Variants in ADAM28 observed in about 807,000 individuals in gnomAD.
ADAM28 encodes ADAM metallopeptidase domain 28.
Under a neutral mutation model 101.2 loss-of-function variants are expected in ADAM28, and 105 were observed. The ratio of observed to expected loss-of-function variants is 1.04; its 90% confidence interval spans 0.89 to 1.22. The LOEUF (loss-of-function observed/expected upper bound fraction) is 1.22, where lower values mean the gene tolerates loss of function less well. Ranked by LOEUF, ADAM28 falls within the 50% of genes most tolerant of loss-of-function variation. The probability of loss-of-function intolerance (pLI) is 0.00; values close to 1 mark genes in which losing one functional copy is unlikely to be tolerated. For synonymous variants in ADAM28, 322 were observed against 310.6 expected (o/e 1.04, Z -0.39); for missense variants, 1,028 against 945.4 (o/e 1.09, Z -1.15).
At chr8:24,294,285 A>G (rs1807669976) in intron 1 of ADAM28, 90 bp downstream of exon 1, 2 of 1,476,104 alleles carry the variant, frequency 1.4e-6, no homozygotes, top group African/African-American at 1.4e-5. Context: ...AACTATTTTG[A>G]CTTTTTTCTT....
intron 15 of ADAM28, among the ~76,000 whole-genome samples, chr8:24,339,983 T>C (rs186919411): frequency 4.9e-4 from 75 of 152,326 alleles, no homozygotes; most frequent in Middle Eastern, 3.4e-3. Flanking sequence ...GAATAACAGA[T>C]GCAGTGCTTG....
intron 2 of ADAM28, among the ~76,000 whole-genome samples, chr8:24,307,296 T>C (rs1423364215): frequency 6.6e-6 from 1 of 152,200 alleles, no homozygotes; most frequent in African/African-American, 2.4e-5. Flanking sequence ...GGAAGACTTT[T>C]GTAGTTATCA....
At chr8:24,302,376 C>A (rs528348507) in intron 2 of ADAM28, among the ~76,000 whole-genome samples, 33 of 152,276 alleles carry the variant, frequency 2.2e-4, no homozygotes, top group African/African-American at 7.2e-4. Context: ...GTCACTGCTA[C>A]TGTGAATAGT....
At chr8:24,349,825 T>A in intron 18 of ADAM28, 39 bp from the exon 19 acceptor site, 2 of 1,520,978 alleles carry the variant, frequency 1.3e-6, no homozygotes, top group Non-Finnish European at 1.8e-6. Flanking sequence ...CAGATGTGTG[T>A]TTCTGCAGTC....
intron 2 of ADAM28, among the ~76,000 whole-genome samples, chr8:24,306,064 C>T (rs116068297): frequency 0.014 from 2,081 of 152,058 alleles, 45 homozygotes; most frequent in African/African-American, 0.048. Context: ...AACAGTAAAA[C>T]TTTTTTGTAT....
At chr8:24,327,647 C>A (rs574843919) in intron 10 of ADAM28, among the ~76,000 whole-genome samples, 3 of 152,190 alleles carry the variant, frequency 2.0e-5, no homozygotes, top group South Asian at 4.2e-4. Flanking sequence ...TACTACAAGG[C>A]TACAGTAAGC....
At chr8:24,301,574 T>A (rs545539897) in intron 2 of ADAM28, among the ~76,000 whole-genome samples, 1 of 152,326 alleles carries the variant, frequency 6.6e-6, no homozygotes, top group South Asian at 2.1e-4. Context: ...TATTTCTAAG[T>A]GGAGAGATAG....
At chr8:24,317,172 G>A (rs1343534152) in intron 6 of ADAM28, among the ~76,000 whole-genome samples, 1 of 151,668 alleles carries the variant, frequency 6.6e-6, no homozygotes. Flanking sequence ...CCCAATGACA[G>A]TATTTACAGA....
At chr8:24,331,398 T>C in intron 12 of ADAM28, 71 bp downstream of exon 12, 1 of 1,427,654 alleles carries the variant, frequency 7.0e-7, no homozygotes, top group Non-Finnish European at 9.4e-7. Flanking sequence ...TACAAAATAA[T>C]GTGTGGCCCG....
intron 18 of ADAM28, among the ~76,000 whole-genome samples, chr8:24,343,822 A>G (rs929449609): frequency 1.3e-5 from 2 of 152,128 alleles, no homozygotes; most frequent in Non-Finnish European, 2.9e-5. Context: ...TTGTAATCTT[A>G]TTTTAATTTC....
At chr8:24,334,881 A>T (rs1230125518) in intron 13 of ADAM28, among the ~76,000 whole-genome samples, 1 of 152,204 alleles carries the variant, frequency 6.6e-6, no homozygotes, top group Non-Finnish European at 1.5e-5. Context: ...TATCAAGTGA[A>T]TATTTGCTTA....
Position 24,309,933 on chromosome 8 carries a change from A to G in ADAM28, c.190A>G (p.Asn64Asp), listed in dbSNP as rs1174671695. 1.3e-6 allele frequency: 2 copies of G among 1,568,044 alleles called. No individual in the cohort carries two copies. Among genetic ancestry groups the G allele is most frequent in the African/African-American group, 1.4e-5 (1 of 73,828 alleles). Residue 64 changes from asparagine (N) to aspartate (D), a missense_variant, in exon 3 of 23, where the codon AAT becomes GAT. By Grantham distance (23) the Asn-to-Asp change is conservative. Coordinates refer to ENST00000265769, the MANE Select transcript of ADAM28 (RefSeq NM_014265.6). ...TGAATTAAAGTATAAAATGACAATT[A>G]ATGGAAAAATTGCAGTGCTTTATTT... Reference protein sequence around the residue: ...ETELKYKMTINGKIAVLYLKK... With the variant: ...ETELKYKMTIDGKIAVLYLKK...
intron 9 of ADAM28, among the ~76,000 whole-genome samples, chr8:24,325,969 C>A (rs1812568035): frequency 7.0e-6 from 1 of 142,554 alleles, no homozygotes; most frequent in Non-Finnish European, 1.5e-5. Flanking sequence ...CAAAAGGAAC[C>A]AAAAAAGCAA....
At chr8:24,350,431 AG>A (rs200549871) in intron 19 of ADAM28, among the ~76,000 whole-genome samples, 1,649 of 152,034 alleles carry the variant, frequency 0.011, 29 homozygotes, top group African/African-American at 0.038. Flanking sequence ...CTCCTACCTC[AG>A]CCCCGAGTAT....
At position 24,335,505 on chromosome 8, in the gene ADAM28, G is replaced by A. The variant is rs1217814867; in HGVS notation, c.1431G>A (p.Met477Ile). 1.2e-6 allele frequency: 2 copies of A among 1,614,178 alleles called. No homozygotes were observed. The highest frequency in any genetic ancestry group is 2.2e-5 in the South Asian group (2 of 91,080). The change falls in exon 14 of 23, where the codon ATG becomes ATA. Residue 477 changes from methionine to isoleucine, a missense_variant. Coordinates refer to ENST00000265769, the MANE Select transcript of ADAM28 (RefSeq NM_014265.6). ...AAGATGAGTGCGACCTGCCTGAAATGTGTAATGGTAAATCTGGTAATTGTC... is the reference window on the plus strand; with the variant it reads ...AAGATGAGTGCGACCTGCCTGAAATATGTAATGGTAAATCTGGTAATTGTC... Reference protein sequence around the residue: ...PAKDECDLPEMCNGKSGNCPD... With the variant: ...PAKDECDLPEICNGKSGNCPD...
At chr8:24,316,332 A>ATAAC (rs1163766675) in intron 6 of ADAM28, among the ~76,000 whole-genome samples, 8 of 151,960 alleles carry the variant, frequency 5.3e-5, no homozygotes, top group Non-Finnish European at 1.2e-4. Flanking sequence ...CATTTAATAT[A>ATAAC]TAACTTTTAT....
In ADAM28 at chr8:24,358,747, TAAA is replaced by T. The variant is rs796871404; in HGVS notation, c.*4349_*4351del. On this transcript the variant is annotated 3_prime_UTR_variant, in exon 23 of 23. Transcript: ENST00000265769. The stretch of plus-strand genomic sequence containing the variant: ...GTATGCTAAGCGAATACTATTGTTA[TAAA>T]AAAAATCCTAAGCATGAAAATTACG... The T allele has an allele frequency of 6.6e-6, 1 of 152,170 alleles. No individual in the cohort carries two copies. The highest frequency in any genetic ancestry group is 2.1e-4 in the South Asian group (1 of 4,820). The allele number at this position is 152,170 out of a possible 1,614,324, so 9.4% of individuals were successfully genotyped here. A position where few individuals can be genotyped will look rare whatever the true frequency, so the allele number is the denominator to read the frequency against.
chr8:24,311,959 G>C (rs771951467), intron 5 of ADAM28, among the ~76,000 whole-genome samples: 1 of 151,838 alleles, frequency 6.6e-6, no homozygotes, highest in East Asian at 1.9e-4. Context: ...GGTTGGTCTC[G>C]AACTCCTGAC....
chr8:24,348,258 T>C (rs1815652205), intron 18 of ADAM28, among the ~76,000 whole-genome samples: 1 of 152,138 alleles, frequency 6.6e-6, no homozygotes, highest in Non-Finnish European at 1.5e-5. Flanking sequence ...GTAGAGCAGT[T>C]TTGGGTTCAC....
Sources: allele counts gnomAD v4.1 joint callset (sites outside exome capture counted in the v4.1 genomes callset), GRCh38; gene constraint gnomAD v4.1.1; transcripts MANE v1.5; gene names NCBI Gene and HGNC (gene_info 2026-07-23, HGNC 2026-07-21).